CDH20: variants seen among roughly 807,000 people sequenced by gnomAD.
CDH20 encodes the protein cadherin-20.
A neutral mutation model predicts 74.2 loss-of-function variants in CDH20; 29 were observed. That is an observed-to-expected ratio of 0.39 (90% CI 0.29 to 0.53). CDH20 has a LOEUF of 0.53. Ranked by LOEUF, CDH20 falls within the 20% of genes least tolerant of loss-of-function variation. The probability of loss-of-function intolerance (pLI) is 0.69; values close to 1 mark genes in which losing one functional copy is unlikely to be tolerated. For synonymous variants in CDH20, 469 were observed against 405.4 expected (o/e 1.16, Z -1.88); for missense variants, 988 against 1,048.3 (o/e 0.94, Z 0.79).
rs773881127 is a variant in CDH20, at chr18:61,554,630, G to T, written c.2341G>T (p.Gly781Trp). The change falls in exon 12 of 12, where the codon GGG becomes TGG. Residue 781 changes from glycine to tryptophan, a missense_variant. Gly to Trp is a radical substitution (Grantham distance 184, BLOSUM62 -2). Around this residue, in one of 2 missense-constraint regions of CDH20, gnomAD observed 375 missense variants for 293.1 expected, o/e 1.28. Coordinates refer to ENST00000262717, the MANE Select transcript of CDH20 (RefSeq NM_031891.4). ...EQSFDFLTDW[G>W]PRFRKLAELY... is the part of the protein sequence containing the mutation. ...GAGCTTCGACTTCCTGACGGACTGG[G>T]GGCCCCGCTTCCGGAAGCTGGCCGA... 5 of 1,603,778 alleles carry T rather than the reference G, an allele frequency of 3.1e-6. No individual in the cohort carries two copies. The highest frequency in any genetic ancestry group is 1.3e-5 in the African/African-American group (1 of 74,824).
chr18:61,469,691 C>T (rs771797301), intron 1 of CDH20, among the ~76,000 whole-genome samples: 3 of 152,146 alleles, frequency 2.0e-5, no homozygotes, highest in Non-Finnish European at 4.4e-5. Flanking sequence ...TATAAACATA[C>T]GTATGTATGT....
chr18:61,499,101 A>T, intron 2 of CDH20, 85 bp from the exon 3 acceptor site: 2 of 1,097,318 alleles, frequency 1.8e-6, no homozygotes, highest in Non-Finnish European at 2.6e-6. Flanking sequence ...AAGGGAGGTT[A>T]TAAGTTTGTA....
In CDH20 at chr18:61,555,311, A is replaced by G. The variant is rs1474940449; in HGVS notation, c.*616A>G. On this transcript the variant is annotated 3_prime_UTR_variant, in exon 12 of 12. Coordinates refer to ENST00000262717, the MANE Select transcript of CDH20 (RefSeq NM_031891.4). Reference sequence around the variant, plus strand: ...TGGGAGGGTGGGTGAAGGAAGAGACATTGACTTTATGCTCAAGTTTAGTGG... The same window carrying G: ...TGGGAGGGTGGGTGAAGGAAGAGACGTTGACTTTATGCTCAAGTTTAGTGG... 5 of 985,378 alleles carry G rather than the reference A, an allele frequency of 5.1e-6. No individual in the cohort carries two copies. Among genetic ancestry groups the G allele is most frequent in the Non-Finnish European group, 6.0e-6 (5 of 830,032 alleles). The allele number at this position is 985,378 out of a possible 1,614,324, so 61.0% of individuals were successfully genotyped here. A position where few individuals can be genotyped will look rare whatever the true frequency, so the allele number is the denominator to read the frequency against.
chr18:61,495,116 A>C (rs1481557777), intron 2 of CDH20, among the ~76,000 whole-genome samples: 2 of 152,198 alleles, frequency 1.3e-5, no homozygotes, highest in Non-Finnish European at 2.9e-5. Context: ...CATTTTCCCA[A>C]GATGTACGTA....
intron 9 of CDH20, among the ~76,000 whole-genome samples, chr18:61,542,829 G>A (rs187406791): frequency 9.8e-4 from 150 of 152,300 alleles, no homozygotes; most frequent in African/African-American, 3.1e-3. Context: ...AGGAAGCAAG[G>A]CAGGAGGGGA....
intron 10 of CDH20, 173 bp from the exon 11 acceptor site, chr18:61,549,805 G>T (rs771567446): frequency 1.5e-6 from 1 of 648,562 alleles, no homozygotes; most frequent in Non-Finnish European, 2.6e-6. Context: ...CAAAAAGCAT[G>T]GTTTCTGAAT....
chr18:61,455,857 T>G (rs1048547975), intron 1 of CDH20, among the ~76,000 whole-genome samples: 2 of 152,240 alleles, frequency 1.3e-5, no homozygotes, highest in Non-Finnish European at 2.9e-5. Context: ...GACATCAAAA[T>G]GATGAACTTT....
chr18:61,496,250 C>T (rs1343348181), intron 2 of CDH20, among the ~76,000 whole-genome samples: 1 of 111,820 alleles, frequency 8.9e-6, no homozygotes, highest in Non-Finnish European at 1.9e-5. Context: ...TTTCTCCCCG[C>T]CTTCTCCCTT....
chr18:61,489,492 AG>A (rs948266047), intron 1 of CDH20, among the ~76,000 whole-genome samples: 1 of 151,760 alleles, frequency 6.6e-6, no homozygotes, highest in Non-Finnish European at 1.5e-5. Flanking sequence ...AAGCCAAGTA[AG>A]GGAAGAAAAG....
intron 9 of CDH20, among the ~76,000 whole-genome samples, chr18:61,543,179 A>G (rs960234011): frequency 6.6e-6 from 1 of 152,186 alleles, no homozygotes; most frequent in Middle Eastern, 3.2e-3. Flanking sequence ...CACCACCCCC[A>G]GTTATTTAAT....
rs528804378 is a variant in CDH20 at position 61,347,307 on chromosome 18, TATATATATATATACACAC to T, written c.-153+13482_-153+13499del. 3.4e-4 allele frequency among the ~76,000 whole-genome samples: 29 copies of T among 84,612 alleles called. No homozygotes were observed. In the South Asian group the frequency reaches 6.9e-3, roughly 20 times the overall value. The allele number at this position is 84,612 out of a possible 152,430, so 55.5% of individuals were successfully genotyped here. On this transcript the variant is annotated intron_variant, in intron 1 of 11. Transcript: ENST00000262717. The stretch of plus-strand genomic sequence containing the variant: ...CTGCTAATATATATATATATATATA[TATATATATATATACACAC>T]ACACACACACACACACACACACACA...
intron 7 of CDH20, among the ~76,000 whole-genome samples, chr18:61,533,839 T>A (rs1908213517): frequency 6.6e-6 from 1 of 152,210 alleles, no homozygotes; most frequent in African/African-American, 2.4e-5. Flanking sequence ...CTTCTGCATG[T>A]GGGTATCTAG....
intron 1 of CDH20, among the ~76,000 whole-genome samples, chr18:61,383,961 C>T (rs1314049529): frequency 1.3e-5 from 2 of 152,142 alleles, no homozygotes; most frequent in Non-Finnish European, 2.9e-5. Flanking sequence ...ATTGCCAGAT[C>T]TCAGAAGAAG....
At chr18:61,516,907 G>C (rs1191820788) in intron 6 of CDH20, among the ~76,000 whole-genome samples, 1 of 152,002 alleles carries the variant, frequency 6.6e-6, no homozygotes, top group Admixed American at 6.6e-5. Flanking sequence ...GCAATGTTTT[G>C]TTTCCATTTT....
intron 6 of CDH20, among the ~76,000 whole-genome samples, chr18:61,512,517 G>A (rs2144339743): frequency 6.6e-6 from 1 of 152,084 alleles, no homozygotes; most frequent in African/African-American, 2.4e-5. Flanking sequence ...TTATTTCTTA[G>A]TTTAGTGTCT....
At chr18:61,357,734 CTGTT>C (rs1245930027) in intron 1 of CDH20, among the ~76,000 whole-genome samples, 1 of 151,926 alleles carries the variant, frequency 6.6e-6, no homozygotes, top group African/African-American at 2.4e-5. Flanking sequence ...ACAAAATCAA[CTGTT>C]TGTTTTTTTT....
At chr18:61,536,809 T>C (rs1779921765) in intron 8 of CDH20, among the ~76,000 whole-genome samples, 180 bp downstream of exon 8, 1 of 152,214 alleles carries the variant, frequency 6.6e-6, no homozygotes, top group Non-Finnish European at 1.5e-5. Flanking sequence ...CTCGCTTGTA[T>C]ACTTAGTCCT....
At chr18:61,403,756 T>C (rs1396080471) in intron 1 of CDH20, among the ~76,000 whole-genome samples, 1 of 152,212 alleles carries the variant, frequency 6.6e-6, no homozygotes, top group Admixed American at 6.5e-5. Flanking sequence ...ATCCCATTAC[T>C]GGGCATATAT....
At chr18:61,449,860 A>C (rs953210730) in intron 1 of CDH20, among the ~76,000 whole-genome samples, 6 of 152,026 alleles carry the variant, frequency 3.9e-5, no homozygotes, top group African/African-American at 1.4e-4. Flanking sequence ...AGAGTCTTGC[A>C]TTCAATCTTT....
Sources: gnomAD v4.1 joint callset for allele counts (sites outside exome capture counted in the v4.1 genomes callset) on GRCh38, gnomAD v4.1.1 for gene constraint, gnomAD v4.1.1 regional missense constraint, MANE v1.5 for transcripts, NCBI Gene and HGNC (gene_info 2026-07-23, HGNC 2026-07-21) for gene names.